CLMP: variants seen among roughly 807,000 people sequenced by gnomAD.
CLMP encodes CXADR like cell adhesion molecule.
CLMP carries 27 observed loss-of-function variants against 45.2 expected under a neutral mutation model. The ratio of observed to expected loss-of-function variants is 0.60; its 90% confidence interval spans 0.44 to 0.82. The LOEUF (loss-of-function observed/expected upper bound fraction) is 0.82, where lower values mean the gene tolerates loss of function less well. CLMP is among the 40% of genes least tolerant of loss of function. The probability of loss-of-function intolerance (pLI) is 0.00; values close to 1 mark genes in which losing one functional copy is unlikely to be tolerated. For missense variants in CLMP, 403 were observed against 448.4 expected, an observed-to-expected ratio of 0.90 and a Z score of 0.91; for synonymous variants, 167 against 171.4, an observed-to-expected ratio of 0.97 and a Z score of 0.20.
chr11:123,114,990 C>T (rs568127424), intron 1 of CLMP, among the ~76,000 whole-genome samples: 21 of 152,224 alleles, frequency 1.4e-4, no homozygotes, highest in Admixed American at 1.1e-3. Context: ...AAATTTTTTG[C>T]TCTGGATTCC....
At chr11:123,087,743 C>G (rs1323704617) in intron 2 of CLMP, among the ~76,000 whole-genome samples, 1 of 151,628 alleles carries the variant, frequency 6.6e-6, no homozygotes, top group East Asian at 2.0e-4. Flanking sequence ...ATCGCTGGAA[C>G]CCAGGAGGCA....
chr11:123,074,761 C>T lies in CLMP; in HGVS notation c.762G>A (p.Leu254=), dbSNP rs779517861. The change falls in exon 6 of 7, where the codon CTG becomes CTA. Residue 254 remains leucine (L), a synonymous_variant. Transcript: ENST00000448775. ...GALLIFLLVW[L]LIRRKDKERY... ...TTTCTTTGTCTTTCCTTCGGATTAG[C>T]AGCCACACCAAGAGGAAAATCAGCA... 6.2e-7 allele frequency: 1 copy of T among 1,614,020 alleles called. No homozygotes were observed. The highest frequency in any genetic ancestry group is 8.5e-7 in the Non-Finnish European group (1 of 1,180,022).
chr11:123,095,355 C>T (rs1266703990), intron 2 of CLMP, among the ~76,000 whole-genome samples: 3 of 151,662 alleles, frequency 2.0e-5, no homozygotes, highest in Non-Finnish European at 2.9e-5. Context: ...TGCAATGGCT[C>T]GATCTCAGCT....
intron 1 of CLMP, among the ~76,000 whole-genome samples, chr11:123,130,844 T>C (rs1305065197): frequency 1.4e-5 from 2 of 138,062 alleles, no homozygotes; most frequent in South Asian, 4.7e-4. Context: ...TCTTTTCCTT[T>C]TTTTTTTTTT....
At chr11:123,094,168 C>A (rs911340268) in intron 2 of CLMP, among the ~76,000 whole-genome samples, 7 of 152,058 alleles carry the variant, frequency 4.6e-5, no homozygotes, top group African/African-American at 1.7e-4. Context: ...AGTGCAGTGG[C>A]GCCATCTCTG....
chr11:123,077,763 GA>G, intron 5 of CLMP, among the ~76,000 whole-genome samples: 1 of 152,312 alleles, frequency 6.6e-6, no homozygotes, highest in East Asian at 1.9e-4. Flanking sequence ...ACATAATCTA[GA>G]TGGATTGTCT....
At chr11:123,153,549 AAC>A (rs757756228) in intron 1 of CLMP, among the ~76,000 whole-genome samples, 2 of 152,210 alleles carry the variant, frequency 1.3e-5, no homozygotes, top group African/African-American at 4.8e-5. Context: ...GACTGCCCCA[AAC>A]ACACACACAT....
chr11:123,136,794 C>T (rs1405474119), intron 1 of CLMP, among the ~76,000 whole-genome samples: 3 of 151,844 alleles, frequency 2.0e-5, no homozygotes, highest in African/African-American at 7.3e-5. Context: ...GTCTCGAACT[C>T]CTGAGCTCAC....
At position 123,084,449 on chromosome 11, in the gene CLMP, G is replaced by A. The variant is rs1314795734; in HGVS notation, c.388+63C>T. The A allele has an allele frequency of 4.4e-6, 6 of 1,353,956 alleles. No homozygotes were observed. The Admixed American group carries it at 5.1e-5, about 11-fold the overall frequency. The allele number at this position is 1,353,956 out of a possible 1,614,324, so 83.9% of individuals were successfully genotyped here. On this transcript the variant is annotated intron_variant, in intron 3 of 6. Coordinates refer to ENST00000448775, the MANE Select transcript of CLMP (RefSeq NM_024769.5). Reference sequence around the variant, plus strand: ...TGTTTTGTACCACCGTGATGCATATGGCTATCCCTCTTAGATACCTTAGAA... The same window carrying A: ...TGTTTTGTACCACCGTGATGCATATAGCTATCCCTCTTAGATACCTTAGAA...
intron 1 of CLMP, among the ~76,000 whole-genome samples, chr11:123,138,585 G>C (rs1014312993): frequency 2.7e-5 from 4 of 149,312 alleles, no homozygotes; most frequent in African/African-American, 9.9e-5. Context: ...CATCCTCCCT[G>C]CTCCCACCTG....
chr11:123,174,000 C>T (rs1330350573), intron 1 of CLMP, among the ~76,000 whole-genome samples: 1 of 152,052 alleles, frequency 6.6e-6, no homozygotes, highest in African/African-American at 2.4e-5. Context: ...GGAGGACCAC[C>T]TGAGTCTGGG....
At chr11:123,081,184 C>CA (rs923950319) in intron 5 of CLMP, among the ~76,000 whole-genome samples, 11 of 146,656 alleles carry the variant, frequency 7.5e-5, no homozygotes, top group South Asian at 4.3e-4. Flanking sequence ...AAACCAACAA[C>CA]AAAAAAAAAC....
chr11:123,142,502 C>T (rs951298591), intron 1 of CLMP, among the ~76,000 whole-genome samples: 2 of 151,980 alleles, frequency 1.3e-5, no homozygotes, highest in South Asian at 2.1e-4. Context: ...CTATAGTAAG[C>T]GGCTTTGACC....
intron 1 of CLMP, among the ~76,000 whole-genome samples, chr11:123,106,920 T>C (rs999973315): frequency 4.6e-5 from 7 of 150,692 alleles, no homozygotes; most frequent in African/African-American, 9.7e-5. Flanking sequence ...CTCGGGAGGC[T>C]GAGGCAGGAG....
chr11:123,139,860 T>TAAAATA (rs149421052), intron 1 of CLMP, among the ~76,000 whole-genome samples: 3,971 of 151,502 alleles, frequency 0.026, 150 homozygotes, highest in African/African-American at 0.089. Context: ...TAAAATAAAA[T>TAAAATA]AAAAAATATA....
intron 1 of CLMP, among the ~76,000 whole-genome samples, chr11:123,165,432 T>C (rs1861543501): frequency 6.6e-6 from 1 of 152,198 alleles, no homozygotes; most frequent in Non-Finnish European, 1.5e-5. Context: ...TGATCCAGTA[T>C]CTGGTACCTA....
Position 123,070,939 on chromosome 11 carries a change from G to T in CLMP, c.*2535C>A, listed in dbSNP as rs1191259852. On this transcript the variant is annotated 3_prime_UTR_variant, in exon 7 of 7. Transcript: ENST00000448775. ...TTTCACCCAAGCATAAACTCCTGGGGACTTTACAAGAATTTTGTTTTTTGC... is the reference window on the plus strand; with the variant it reads ...TTTCACCCAAGCATAAACTCCTGGGTACTTTACAAGAATTTTGTTTTTTGC... 1 of 152,126 alleles carries T rather than the reference G, an allele frequency of 6.6e-6. No individual in the cohort carries two copies. The highest frequency in any genetic ancestry group is 2.4e-5 in the African/African-American group (1 of 41,414). 9.4% of individuals were successfully genotyped at this position (152,126 alleles called of 1,614,324 possible).
intron 1 of CLMP, among the ~76,000 whole-genome samples, chr11:123,117,511 C>T (rs923757657): frequency 6.6e-6 from 1 of 152,194 alleles, no homozygotes; most frequent in South Asian, 2.1e-4. Context: ...ACTGCAGCCT[C>T]TGCCTCCTGA....
intron 1 of CLMP, among the ~76,000 whole-genome samples, chr11:123,100,209 C>T (rs1866039041): frequency 6.6e-6 from 1 of 151,942 alleles, no homozygotes; most frequent in Non-Finnish European, 1.5e-5. Context: ...GGTGAAACCC[C>T]ATCTCTACTA....
Sources: gnomAD v4.1 joint callset for allele counts (sites outside exome capture counted in the v4.1 genomes callset) on GRCh38, gnomAD v4.1.1 for gene constraint, MANE v1.5 for transcripts, NCBI Gene and HGNC (gene_info 2026-07-23, HGNC 2026-07-21) for gene names.